LDLRAD3: variants seen among roughly 807,000 people sequenced by gnomAD.
LDLRAD3 encodes low density lipoprotein receptor class A domain containing 3.
LDLRAD3 carries 20 observed loss-of-function variants against 29.4 expected under a neutral mutation model. That is an observed-to-expected ratio of 0.68 (90% CI 0.48 to 0.99). The LOEUF (loss-of-function observed/expected upper bound fraction) is 0.99, where lower values mean the gene tolerates loss of function less well. Among genes scored for constraint, LDLRAD3 ranks in the 50% least tolerant of loss-of-function variants. The pLI is 0.00. For missense variants in LDLRAD3, 420 were observed against 454.3 expected, an observed-to-expected ratio of 0.92 and a Z score of 0.69; for synonymous variants, 157 against 192.7, an observed-to-expected ratio of 0.81 and a Z score of 1.53.
At chr11:36,084,057 C>T (rs1853159794) in intron 3 of LDLRAD3, among the ~76,000 whole-genome samples, 1 of 151,860 alleles carries the variant, frequency 6.6e-6, no homozygotes. Flanking sequence ...TAGCTGGGAT[C>T]ACAGGAGTGT....
At chr11:35,955,104 G>A (rs1236778766) in intron 1 of LDLRAD3, among the ~76,000 whole-genome samples, 1 of 152,052 alleles carries the variant, frequency 6.6e-6, no homozygotes, top group Admixed American at 6.6e-5. Context: ...AATTAGCCGG[G>A]CATGGTGGCA....
At chr11:35,957,309 C>T (rs1851214826) in intron 1 of LDLRAD3, among the ~76,000 whole-genome samples, 1 of 152,146 alleles carries the variant, frequency 6.6e-6, no homozygotes, top group African/African-American at 2.4e-5. Context: ...AAGAAGTCTC[C>T]CATCACAGAA....
At chr11:36,216,863 T>G (rs1855359515) in intron 4 of LDLRAD3, among the ~76,000 whole-genome samples, 1 of 152,120 alleles carries the variant, frequency 6.6e-6, no homozygotes, top group South Asian at 2.1e-4. Context: ...GGGACCCCAT[T>G]GCAAGAACAG....
intron 2 of LDLRAD3, among the ~76,000 whole-genome samples, chr11:36,077,538 G>T (rs1325859118): frequency 6.6e-6 from 1 of 152,210 alleles, no homozygotes; most frequent in East Asian, 1.9e-4. Context: ...AGCGAGCGTG[G>T]AGTTCAGCCA....
intron 2 of LDLRAD3, among the ~76,000 whole-genome samples, chr11:36,064,058 T>A (rs1852749758): frequency 1.3e-5 from 2 of 152,178 alleles, no homozygotes; most frequent in African/African-American, 4.8e-5. Flanking sequence ...TGGTTTGGCT[T>A]TCTGTTTACT....
chr11:36,078,869 C>G (rs1320888032), intron 2 of LDLRAD3, among the ~76,000 whole-genome samples: 1 of 152,174 alleles, frequency 6.6e-6, no homozygotes, highest in Non-Finnish European at 1.5e-5. Context: ...TACGGCAGCC[C>G]CAGTCAACCC....
chr11:36,116,547 T>C (rs1419719672), intron 4 of LDLRAD3, among the ~76,000 whole-genome samples: 2 of 152,176 alleles, frequency 1.3e-5, no homozygotes, highest in African/African-American at 4.8e-5. Context: ...GAATCTCGTA[T>C]TAGCCTTTGT....
chr11:35,964,525 G>A (rs565830379), intron 1 of LDLRAD3, among the ~76,000 whole-genome samples: 229 of 152,290 alleles, frequency 1.5e-3, no homozygotes, highest in Middle Eastern at 3.4e-3. Context: ...TCAGGGCTCT[G>A]TTTGGAAAGC....
chr11:36,025,774 A>ATTT (rs754006718), intron 1 of LDLRAD3, among the ~76,000 whole-genome samples: 34 of 84,402 alleles, frequency 4.0e-4, no homozygotes, highest in African/African-American at 6.7e-4. Flanking sequence ...CCTGAATTTG[A>ATTT]TTTTTTTTTT....
At chr11:36,082,943 C>G (rs563713455) in intron 3 of LDLRAD3, among the ~76,000 whole-genome samples, 1 of 152,314 alleles carries the variant, frequency 6.6e-6, no homozygotes, top group South Asian at 2.1e-4. Flanking sequence ...GTTTAGACTA[C>G]TTGAGCATTC....
chr11:36,017,563 C>G (rs1852039587), intron 1 of LDLRAD3, among the ~76,000 whole-genome samples: 1 of 145,642 alleles, frequency 6.9e-6, no homozygotes, highest in Non-Finnish European at 1.5e-5. Context: ...GAGTCTCGCT[C>G]TGTTCTCCAG....
intron 4 of LDLRAD3, among the ~76,000 whole-genome samples, chr11:36,223,820 C>T (rs1398772174): frequency 6.6e-6 from 1 of 151,942 alleles, no homozygotes; most frequent in Non-Finnish European, 1.5e-5. Flanking sequence ...GCCCCATCCC[C>T]CAGAGGTGGC....
At chr11:36,223,882 G>A (rs972809070) in intron 4 of LDLRAD3, among the ~76,000 whole-genome samples, 1 of 151,560 alleles carries the variant, frequency 6.6e-6, no homozygotes, top group Non-Finnish European at 1.5e-5. Flanking sequence ...ATAATGGTAA[G>A]AACAGCAACA....
chr11:36,064,916 TGAG>T (rs1260774740), intron 2 of LDLRAD3, among the ~76,000 whole-genome samples: 1 of 152,170 alleles, frequency 6.6e-6, no homozygotes, highest in African/African-American at 2.4e-5. Flanking sequence ...TTAACTGTAT[TGAG>T]GTTTGTTTTA....
chr11:36,109,476 G>T (rs1590274735), intron 4 of LDLRAD3, among the ~76,000 whole-genome samples: 1 of 152,214 alleles, frequency 6.6e-6, no homozygotes, highest in Admixed American at 6.5e-5. Flanking sequence ...ATCACCATGG[G>T]GATACTAATT....
intron 4 of LDLRAD3, among the ~76,000 whole-genome samples, chr11:36,136,114 A>G (rs1028704243): frequency 6.6e-6 from 1 of 152,166 alleles, no homozygotes; most frequent in African/African-American, 2.4e-5. Flanking sequence ...GTGCACATGA[A>G]TCTGTGTACA....
intron 4 of LDLRAD3, among the ~76,000 whole-genome samples, chr11:36,117,190 A>G (rs886636553): frequency 6.6e-6 from 1 of 152,072 alleles, no homozygotes; most frequent in African/African-American, 2.4e-5. Flanking sequence ...AAAAGTTGTG[A>G]GGTAGAATCT....
At chr11:36,043,869 G>A (rs1474715526) in intron 2 of LDLRAD3, among the ~76,000 whole-genome samples, 1 of 152,202 alleles carries the variant, frequency 6.6e-6, no homozygotes, top group Admixed American at 6.5e-5. Context: ...GTGGTTTAAA[G>A]CTCTGTCCAT....
intron 4 of LDLRAD3, among the ~76,000 whole-genome samples, chr11:36,220,813 G>C (rs909258589): frequency 1.3e-5 from 2 of 152,206 alleles, no homozygotes; most frequent in African/African-American, 4.8e-5. Context: ...GATTGTGGAA[G>C]AGGACATGTG....
Sources: allele counts gnomAD v4.1 joint callset (sites outside exome capture counted in the v4.1 genomes callset), GRCh38; gene constraint gnomAD v4.1.1; transcripts MANE v1.5; gene names NCBI Gene and HGNC (gene_info 2026-07-23, HGNC 2026-07-21).